The following RUNDC3A variants were observed in gnomAD, a reference collection of about 807,000 sequenced individuals.
RUNDC3A encodes RUN domain containing 3A.
A neutral mutation model predicts 53.9 loss-of-function variants in RUNDC3A; 28 were observed. That is an observed-to-expected ratio of 0.52 (90% CI 0.38 to 0.71). The LOEUF (loss-of-function observed/expected upper bound fraction) is 0.71. Among genes scored for constraint, RUNDC3A ranks in the 30% least tolerant of loss-of-function variants. RUNDC3A has a pLI of 0.00. For missense variants in RUNDC3A, 491 were observed against 597.3 expected (o/e 0.82, Z 1.85); for synonymous variants, 232 against 249.4 (o/e 0.93, Z 0.66).
intron 1 of RUNDC3A, chr17:44,310,655 C>G: frequency 1.0e-6 from 1 of 978,974 alleles, no homozygotes; most frequent in Non-Finnish European, 1.2e-6. Context: ...TCCCCTGGGC[C>G]CTGGCCTCCC....
chr17:44,310,066 G>A, intron 1 of RUNDC3A: 1 of 152,558 alleles, frequency 6.6e-6, no homozygotes, highest in Non-Finnish European at 1.5e-5. Flanking sequence ...CAATGGCCCA[G>A]CCCACAGTGC....
At chr17:44,317,071 C>T in intron 10 of RUNDC3A, 2 of 380,900 alleles carry the variant, frequency 5.3e-6, no homozygotes, top group Non-Finnish European at 9.5e-6. Context: ...GTCTCGAACT[C>T]CTGACCTCAA....
At chr17:44,313,396 T>C in intron 3 of RUNDC3A, 22 bp from the exon 4 acceptor site, 1 of 1,613,722 alleles carries the variant, frequency 6.2e-7, no homozygotes. Flanking sequence ...GGGCAGCAAG[T>C]AAAGGTGAAC....
In RUNDC3A at chr17:44,318,168, C is replaced by A; in HGVS notation, c.1271C>A (p.Ala424Glu). ...LASIPSCKSL[A>E]SFKSNECLVS... ...TCCATTCCCAGCTGCAAGTCCCTGG[C>A]GAGCTTCAAATCCAACGAGTGCCTG... Residue 424 changes from alanine (A) to glutamate (E), a missense_variant, in exon 11 of 11, where the codon GCG becomes GAG. Physicochemically the swap from Ala to Glu is moderately radical, Grantham distance 107 (BLOSUM62 -1). This residue lies in a region of RUNDC3A where 218 missense variants were observed against 208.2 expected (regional missense o/e 1.05). Transcript: ENST00000426726. 6.4e-7 allele frequency: 1 copy of A among 1,551,504 alleles called. No homozygotes were observed.
chr17:44,310,220 C>A (rs533634501), intron 1 of RUNDC3A, among the ~76,000 whole-genome samples: 1 of 152,248 alleles, frequency 6.6e-6, no homozygotes, highest in Non-Finnish European at 1.5e-5. Flanking sequence ...GGTCTCTTAA[C>A]CACTCTGGGC....
chr17:44,315,487 G>T lies in RUNDC3A; in HGVS notation c.831G>T (p.Ser277=), dbSNP rs568081916. The change falls in exon 8 of 11, where the codon TCG becomes TCT. Residue 277 remains serine (S), a synonymous_variant. Coordinates refer to ENST00000426726, the MANE Select transcript of RUNDC3A (RefSeq NM_001144825.2). The surrounding 1 kb of genome is among the most constrained non-coding windows in gnomAD (Gnocchi z 6.1). ...YLEELVRLRE[S]QLKDLEAENR... ...AGGAGCTGGTGCGTCTGCGCGAGTC[G>T]CAGCTGAAGGACCTGGAGGCGGAGA... 1.0e-4 allele frequency: 155 copies of T among 1,506,760 alleles called. No homozygotes were observed. The highest frequency in any genetic ancestry group is 2.3e-4 in the Middle Eastern group (1 of 4,264). 93.3% of individuals were successfully genotyped at this position (1,506,760 alleles called of 1,614,324 possible).
Position 44,315,334 on chromosome 17 carries a change from G to T in RUNDC3A, c.795+14G>T. On this transcript the variant is annotated intron_variant, in intron 7 of 10. Coordinates refer to ENST00000426726, the MANE Select transcript of RUNDC3A (RefSeq NM_001144825.2). The surrounding 1 kb of genome is among the most constrained non-coding windows in gnomAD (Gnocchi z 6.1). The stretch of plus-strand genomic sequence containing the variant: ...TACGCGCAGAAGGTGCGCGACGCCG[G>T]CGGGCCCGGGGGGCGGGCGGGCCGG... 7.3e-7 allele frequency: 1 copy of T among 1,374,056 alleles called. No individual in the cohort carries two copies. 85.1% of individuals were successfully genotyped at this position (1,374,056 alleles called of 1,614,324 possible). A position where few individuals can be genotyped will look rare whatever the true frequency, so the allele number is the denominator to read the frequency against.
Position 44,316,678 on chromosome 17 carries a change from A to G in RUNDC3A, c.1151A>G (p.Gln384Arg). ...GAAGCCAGTCTGAGCTCGGACTCCC[A>G]GCGCCTGGGAGAGGGCACGCGGGAC... ...SAEASLSSDS[Q>R]RLGEGTRDEE... The change falls in exon 10 of 11, where the codon CAG becomes CGG. Residue 384 changes from glutamine (Q) to arginine (R), a missense_variant. Coordinates refer to ENST00000426726, the MANE Select transcript of RUNDC3A (RefSeq NM_001144825.2). 1 of 1,550,382 alleles carries G rather than the reference A, an allele frequency of 6.5e-7. No homozygotes were observed. The highest frequency in any genetic ancestry group is 1.4e-5 in the African/African-American group (1 of 73,148).
intron 10 of RUNDC3A, chr17:44,317,436 T>G (rs1243256311): frequency 3.8e-6 from 3 of 780,878 alleles, no homozygotes; most frequent in Non-Finnish European, 7.2e-6. Flanking sequence ...TCATGCACAC[T>G]GTGAACTACT....
Position 44,315,756 on chromosome 17 carries a change from A to C in RUNDC3A, c.953+147A>C. The C allele has an allele frequency of 1.6e-6, 1 of 643,282 alleles. No homozygotes were observed. The allele number at this position is 643,282 out of a possible 1,614,324, so 39.8% of individuals were successfully genotyped here. ...TCAACCCTCTGATCCAGCCAGCCCC[A>C]CCCCGAGATGCCCACAATGATCTTC... On this transcript the variant is annotated intron_variant, in intron 8 of 10. Transcript: ENST00000426726. This position sits in a 1 kb window ranked among gnomAD's most constrained non-coding sequence, Gnocchi z 6.1.
intron 1 of RUNDC3A, among the ~76,000 whole-genome samples, chr17:44,309,476 G>A (rs2047708112): frequency 6.6e-6 from 1 of 152,198 alleles, no homozygotes; most frequent in Admixed American, 6.5e-5. Context: ...ACGTGGGAAG[G>A]ACCAAGAGCC....
Position 44,318,147 on chromosome 17 carries a change from T to A in RUNDC3A, c.1250T>A (p.Ile417Asn). ...GGCCTCTGCGGCTCCCTGGCCTCCA[T>A]TCCCAGCTGCAAGTCCCTGGCGAGC... Reference protein sequence around the residue: ...MLGLCGSLASIPSCKSLASFK... With the variant: ...MLGLCGSLASNPSCKSLASFK... The change falls in exon 11 of 11, where the codon ATT (isoleucine) becomes AAT (asparagine). Residue 417 changes from isoleucine (I) to asparagine (N), a missense_variant. Around this residue, in one of 2 missense-constraint regions of RUNDC3A, gnomAD observed 218 missense variants for 208.2 expected, o/e 1.05. Transcript: ENST00000426726. The A allele has an allele frequency of 6.4e-7, 1 of 1,551,392 alleles. No individual in the cohort carries two copies. Among genetic ancestry groups the A allele is most frequent in the Non-Finnish European group, 8.7e-7 (1 of 1,146,914 alleles).
Position 44,318,541 on chromosome 17 carries a change from G to T in RUNDC3A, c.*303G>T. The T allele has an allele frequency of 2.8e-6, 1 of 362,858 alleles. No homozygotes were observed. The highest frequency in any genetic ancestry group is 5.1e-6 in the Non-Finnish European group (1 of 194,688). The allele number at this position is 362,858 out of a possible 1,614,324, so 22.5% of individuals were successfully genotyped here. On this transcript the variant is annotated 3_prime_UTR_variant, in exon 11 of 11. Transcript: ENST00000426726. ...TCACTCATCTCCCCTGCCCCCTCAG[G>T]AACTGGTGGCCCAGCTTCCACACCC...
At chr17:44,310,844 T>G in intron 1 of RUNDC3A, 1 of 985,492 alleles carries the variant, frequency 1.0e-6, no homozygotes, top group Non-Finnish European at 1.2e-6. Context: ...GAAATCAAGC[T>G]GGCAGGAGGG....
At chr17:44,316,767 G>T in intron 10 of RUNDC3A, 42 bp downstream of exon 10, 1 of 1,404,022 alleles carries the variant, frequency 7.1e-7, no homozygotes, top group Non-Finnish European at 9.7e-7. Context: ...CTCCAGAAAG[G>T]GCTGAGGCAA....
chr17:44,314,708 A>T, intron 4 of RUNDC3A, 27 bp from the exon 5 acceptor site: 1 of 1,527,804 alleles, frequency 6.5e-7, no homozygotes, highest in Non-Finnish European at 8.8e-7. Flanking sequence ...GGCCTGCTGC[A>T]TCCTCTGGCC....
Position 44,316,521 on chromosome 17 carries a change from A to T in RUNDC3A, c.1090A>T (p.Arg364Ter). Reference protein sequence around the residue: ...EGASNSKLYRRHSFMSTEPLS... With the variant: ...EGASNSKLYR ...CGCCAGCAACTCCAAGCTCTACCGG[A>T]GGTAAGCCCCAGCCAGGTGGGGCTT... is the stretch of plus-strand genomic sequence containing the variant. Residue 364 changes from arginine (R) to a stop codon, truncating the protein, a stop_gained and splice_region_variant, in exon 9 of 11, where the codon AGA becomes TGA. Coordinates refer to ENST00000426726, the MANE Select transcript of RUNDC3A (RefSeq NM_001144825.2). LOFTEE classifies it high-confidence loss of function. 6.2e-7 allele frequency: 1 copy of T among 1,612,086 alleles called. No homozygotes were observed. The highest frequency in any genetic ancestry group is 8.5e-7 in the Non-Finnish European group (1 of 1,179,276).
chr17:44,311,119 C>T, intron 1 of RUNDC3A: 3 of 985,608 alleles, frequency 3.0e-6, no homozygotes, highest in Non-Finnish European at 3.6e-6. Flanking sequence ...AGCAGGCTGC[C>T]TCCCTCTAGT....
In RUNDC3A at chr17:44,308,783, G is replaced by C. The variant is rs1054994314; in HGVS notation, c.-50G>C. The stretch of plus-strand genomic sequence containing the variant: ...GATCCAGCGACGGGTTTGGGGCTCC[G>C]GGAGGGGTGGGGGGGCAGCGGGCGG... On this transcript the variant is annotated 5_prime_UTR_variant, in exon 1 of 11. Transcript: ENST00000426726. 1.4e-5 allele frequency: 18 copies of C among 1,332,330 alleles called. No individual in the cohort carries two copies. The highest frequency in any genetic ancestry group is 1.6e-5 in the Non-Finnish European group (16 of 970,146). 82.5% of individuals were successfully genotyped at this position (1,332,330 alleles called of 1,614,324 possible). A position where few individuals can be genotyped will look rare whatever the true frequency, so the allele number is the denominator to read the frequency against.
Sources: gnomAD v4.1 joint callset for allele counts (sites outside exome capture counted in the v4.1 genomes callset) on GRCh38, gnomAD v4.1.1 for gene constraint, gnomAD v4.1.1 regional missense constraint, Gnocchi (gnomAD v3.1) non-coding constraint, MANE v1.5 for transcripts, NCBI Gene and HGNC (gene_info 2026-07-23, HGNC 2026-07-21) for gene names.